SFMBT1: variants seen among roughly 807,000 people sequenced by gnomAD.
The protein encoded by SFMBT1 is scm-like with four MBT domains protein 1.
In SFMBT1, 32 loss-of-function variants were observed where a neutral mutation model predicts 108.7. The observed-to-expected ratio is 0.29, with a 90% confidence interval of 0.22 to 0.40. The LOEUF (loss-of-function observed/expected upper bound fraction) is 0.40, where lower values mean the gene tolerates loss of function less well. Among genes scored for constraint, SFMBT1 ranks in the 10% least tolerant of loss-of-function variants. SFMBT1 has a pLI of 1.00. For missense variants in SFMBT1, 816 were observed against 1,059.6 expected (o/e 0.77, Z 3.19); for synonymous variants, 348 against 369.5 (o/e 0.94, Z 0.67).
chr3:52,918,792 C>T (rs953099256), intron 12 of SFMBT1, among the ~76,000 whole-genome samples: 1 of 152,044 alleles, frequency 6.6e-6, no homozygotes, highest in African/African-American at 2.4e-5. Context: ...CTCCCTGGGT[C>T]AGTAAGTGTT....
chr3:53,014,473 A>C (rs537708369), intron 1 of SFMBT1, among the ~76,000 whole-genome samples: 1 of 97,886 alleles, frequency 1.0e-5, no homozygotes, highest in Non-Finnish European at 1.9e-5. Context: ...CCCTGTATTT[A>C]AAAAAAACAA....
chr3:52,979,184 C>G (rs1324066982), intron 1 of SFMBT1, among the ~76,000 whole-genome samples: 1 of 150,616 alleles, frequency 6.6e-6, no homozygotes, highest in African/African-American at 2.4e-5. Context: ...AATACAGAAG[C>G]CAATGACAAA....
At chr3:52,909,552 A>G (rs1399762743) in intron 17 of SFMBT1, among the ~76,000 whole-genome samples, 2 of 152,216 alleles carry the variant, frequency 1.3e-5, no homozygotes, top group East Asian at 3.8e-4. Context: ...ATGCAGATAG[A>G]TACTCAGGAC....
At position 52,969,277 on chromosome 3, in the gene SFMBT1, C is replaced by A; in HGVS notation, c.-130-19G>T. On this transcript the variant is annotated intron_variant, in intron 1 of 20. Coordinates refer to ENST00000394752, the MANE Select transcript of SFMBT1 (RefSeq NM_016329.4). Reference sequence around the variant, plus strand: ...GAAAGTGCTGAAAAATGAAAAAGAACACATTAAACAGCCTGAAGCCCAAGT... The same window carrying A: ...GAAAGTGCTGAAAAATGAAAAAGAAAACATTAAACAGCCTGAAGCCCAAGT... 1.3e-6 allele frequency: 2 copies of A among 1,488,548 alleles called. No individual in the cohort carries two copies. The highest frequency in any genetic ancestry group is 1.8e-6 in the Non-Finnish European group (2 of 1,125,810). 92.2% of individuals were successfully genotyped at this position (1,488,548 alleles called of 1,614,324 possible).
intron 16 of SFMBT1, among the ~76,000 whole-genome samples, chr3:52,912,010 T>C (rs948196136): frequency 6.6e-6 from 1 of 152,146 alleles, no homozygotes; most frequent in African/African-American, 2.4e-5. Flanking sequence ...TTAAATTTCG[T>C]ATTTCTTATA....
At chr3:52,979,709 A>G (rs1704641439) in intron 1 of SFMBT1, among the ~76,000 whole-genome samples, 1 of 152,250 alleles carries the variant, frequency 6.6e-6, no homozygotes, top group Non-Finnish European at 1.5e-5. Context: ...ATTCTACTTA[A>G]AGGAGGCTTC....
intron 8 of SFMBT1, 87 bp from the exon 9 acceptor site, chr3:52,928,428 T>A: frequency 7.2e-7 from 1 of 1,395,868 alleles, no homozygotes; most frequent in African/African-American, 1.4e-5. Flanking sequence ...ATTACAAAAG[T>A]TCATACTCAT....
intron 1 of SFMBT1, among the ~76,000 whole-genome samples, chr3:52,980,503 G>A (rs1317904075): frequency 1.3e-5 from 2 of 152,054 alleles, no homozygotes; most frequent in Non-Finnish European, 2.9e-5. Flanking sequence ...AGAAAGTACC[G>A]CTAGAGATGC....
At chr3:52,966,624 C>CAAAA (rs35044878) in intron 2 of SFMBT1, among the ~76,000 whole-genome samples, 17 of 48,338 alleles carry the variant, frequency 3.5e-4, no homozygotes, top group South Asian at 1.1e-3. Flanking sequence ...GACTCAGTCT[C>CAAAA]AAAAAAAAAA....
At position 52,994,659 on chromosome 3, in the gene SFMBT1, C is replaced by G. The variant is rs185057987; in HGVS notation, c.-130-25401G>C. ...GGATTACAGGTGTGCACCATCACGC[C>G]CAGCTAATTTTTATATTTTTAGTAG... On this transcript the variant is annotated intron_variant, in intron 1 of 20. Coordinates refer to ENST00000394752, the MANE Select transcript of SFMBT1 (RefSeq NM_016329.4). 6.9e-3 allele frequency among the ~76,000 whole-genome samples: 1,031 copies of G among 150,340 alleles called. 32 individuals are homozygous for G. Among genetic ancestry groups the G allele is most frequent in the African/African-American group, 0.024 (978 of 41,362 alleles).
At position 52,934,842 on chromosome 3, in the gene SFMBT1, A is replaced by G. The variant is rs559416772; in HGVS notation, c.424T>C (p.Cys142Arg). The G allele has an allele frequency of 2.9e-5, 47 of 1,613,712 alleles. 1 individual carries two copies. In the South Asian group the frequency reaches 4.4e-4, roughly 15 times the overall value. Residue 142 changes from cysteine (C) to arginine (R), a missense_variant, in exon 5 of 21, where the codon TGT (cysteine) becomes CGT (arginine). Physicochemically the swap from Cys to Arg is radical, Grantham distance 180. Transcript: ENST00000394752. Reference protein sequence around the residue: ...EFLRQTLIGACSPPVPLLEGL... With the variant: ...EFLRQTLIGARSPPVPLLEGL... ...TCTAGCAGCGGAACAGGAGGACTACATGCTCCTATCAGGGTCTGCCGCAGA... is the reference window on the plus strand; with the variant it reads ...TCTAGCAGCGGAACAGGAGGACTACGTGCTCCTATCAGGGTCTGCCGCAGA...
chr3:53,008,339 C>T (rs1303539802), intron 1 of SFMBT1, among the ~76,000 whole-genome samples: 1 of 152,176 alleles, frequency 6.6e-6, no homozygotes, highest in Non-Finnish European at 1.5e-5. Flanking sequence ...GTTTTCTCTA[C>T]TGTACTTGTA....
intron 2 of SFMBT1, among the ~76,000 whole-genome samples, chr3:52,967,485 T>C (rs1003327830): frequency 3.3e-5 from 5 of 152,298 alleles, no homozygotes; most frequent in Non-Finnish European, 5.9e-5. Context: ...GCAGTGATGG[T>C]TGGAAAACTT....
At chr3:52,978,202 T>C (rs531129383) in intron 1 of SFMBT1, among the ~76,000 whole-genome samples, 1 of 152,056 alleles carries the variant, frequency 6.6e-6, no homozygotes, top group South Asian at 2.1e-4. Flanking sequence ...AGGTAACATA[T>C]GGACAAAGAC....
At chr3:52,914,616 T>A (rs1312000699) in intron 14 of SFMBT1, among the ~76,000 whole-genome samples, 1 of 152,132 alleles carries the variant, frequency 6.6e-6, no homozygotes, top group Non-Finnish European at 1.5e-5. Context: ...TGGTGGCATA[T>A]GCCTGTAGTC....
At chr3:52,911,214 G>A (rs752858008) in intron 16 of SFMBT1, 36 bp from the exon 17 acceptor site, 1 of 1,545,110 alleles carries the variant, frequency 6.5e-7, no homozygotes, top group Non-Finnish European at 8.7e-7. Flanking sequence ...AAATATATTG[G>A]GCTAATGATT....
chr3:53,000,208 T>C (rs1698497781), intron 1 of SFMBT1, among the ~76,000 whole-genome samples: 1 of 149,302 alleles, frequency 6.7e-6, no homozygotes. Flanking sequence ...GCTTTAAGCA[T>C]ACACGACACT....
chr3:53,030,430 T>C lies in SFMBT1; in HGVS notation c.-131+15386A>G, dbSNP rs146938701. 7.5e-4 allele frequency among the ~76,000 whole-genome samples: 114 copies of C among 152,284 alleles called. No individual in the cohort carries two copies. The East Asian group carries it at 0.017, about 22-fold the overall frequency. On this transcript the variant is annotated intron_variant, in intron 1 of 20. Coordinates refer to ENST00000394752, the MANE Select transcript of SFMBT1 (RefSeq NM_016329.4). ...TTTGATATTCAAAAAAAAATTTTAC[T>C]ATGTATGTGTATCCCTGTTTAAAAT... is the stretch of plus-strand genomic sequence containing the variant.
intron 1 of SFMBT1, among the ~76,000 whole-genome samples, chr3:53,026,367 T>C (rs1252475195): frequency 2.0e-5 from 3 of 152,184 alleles, no homozygotes; most frequent in Non-Finnish European, 4.4e-5. Flanking sequence ...AAATATTTTA[T>C]TGTACTAGAA....
Sources: allele counts gnomAD v4.1 joint callset (sites outside exome capture counted in the v4.1 genomes callset), GRCh38; gene constraint gnomAD v4.1.1; transcripts MANE v1.5; gene names NCBI Gene and HGNC (gene_info 2026-07-23, HGNC 2026-07-21).